SLC5A4: variants seen among roughly 807,000 people sequenced by gnomAD.
SLC5A4 encodes the protein solute carrier family 5 member 4.
SLC5A4 carries 55 observed loss-of-function variants against 70.3 expected under a neutral mutation model. The observed-to-expected ratio is 0.78, with a 90% CI of 0.63 to 0.98. The LOEUF is 0.98. SLC5A4 is among the 50% of genes least tolerant of loss of function. The pLI is 0.00. For missense variants in SLC5A4, 735 were observed against 839.2 expected (o/e 0.88, Z 1.53); for synonymous variants, 268 against 305.7 (o/e 0.88, Z 1.29).
At chr22:32,272,962 G>A in the SLC5A4 span, 1 of 539,042 alleles carries the variant, frequency 1.9e-6, no homozygotes, top group Non-Finnish European at 3.7e-6. Context: ...CCTCCAGAAT[G>A]CTGTGCTGCA....
chr22:32,294,382 T>C, the SLC5A4 span, among the ~76,000 whole-genome samples: 1 of 147,938 alleles, frequency 6.8e-6, no homozygotes, highest in Non-Finnish European at 1.5e-5. Context: ...GCACATGCAA[T>C]TGTGAGAAGT....
At chr22:32,311,271 T>G in the SLC5A4 span, among the ~76,000 whole-genome samples, 1 of 151,986 alleles carries the variant, frequency 6.6e-6, no homozygotes. Flanking sequence ...CTCACTGTTG[T>G]GTCTGGTGAA....
the SLC5A4 span, chr22:32,273,183 A>G: frequency 5.3e-6 from 2 of 380,850 alleles, no homozygotes; most frequent in Admixed American, 6.7e-5. Context: ...CACAAGGAAT[A>G]TATACTTTCT....
chr22:32,251,672 A>G, intron 3 of SLC5A4, 98 bp downstream of exon 3: 1 of 829,266 alleles, frequency 1.2e-6, no homozygotes, highest in Non-Finnish European at 2.1e-6. Flanking sequence ...TTCTTTATAA[A>G]TTATCCAGCC....
chr22:32,335,784 G>A, the SLC5A4 span, among the ~76,000 whole-genome samples: 2 of 141,382 alleles, frequency 1.4e-5, no homozygotes, highest in African/African-American at 2.7e-5. Context: ...CACGGCTGAA[G>A]GGGTCAGGTG....
At chr22:32,289,575 G>A in the SLC5A4 span, among the ~76,000 whole-genome samples, 6 of 152,194 alleles carry the variant, frequency 3.9e-5, no homozygotes, top group Non-Finnish European at 7.3e-5. Flanking sequence ...CGGTTCAAGC[G>A]ATTCTGCCTC....
At chr22:32,308,451 C>T in the SLC5A4 span, among the ~76,000 whole-genome samples, 50 of 148,122 alleles carry the variant, frequency 3.4e-4, no homozygotes, top group Admixed American at 2.5e-3. Context: ...ACCTGGACAG[C>T]GGCCTGTGGG....
the SLC5A4 span, among the ~76,000 whole-genome samples, chr22:32,331,927 G>A: frequency 1.3e-5 from 2 of 152,028 alleles, no homozygotes; most frequent in Admixed American, 1.3e-4. Context: ...CCATGCTGCT[G>A]AGCCCAAAGC....
chr22:32,311,938 G>A, the SLC5A4 span, among the ~76,000 whole-genome samples: 5 of 152,238 alleles, frequency 3.3e-5, no homozygotes, highest in African/African-American at 7.2e-5. Flanking sequence ...GAGGTCAAAC[G>A]AGGGGTTGGT....
chr22:32,259,457 C>T (rs1412069701), upstream of SLC5A4, among the ~76,000 whole-genome samples: 1 of 152,248 alleles, frequency 6.6e-6, no homozygotes, highest in African/African-American at 2.4e-5. Context: ...GCTTTTTCTG[C>T]ACCAGGTGTT....
At chr22:32,328,781 G>C in the SLC5A4 span, among the ~76,000 whole-genome samples, 2 of 152,246 alleles carry the variant, frequency 1.3e-5, no homozygotes, top group African/African-American at 4.8e-5. Context: ...CACAGCACCA[G>C]CTAGCTAATA....
the SLC5A4 span, chr22:32,270,497 C>T: frequency 2.7e-5 from 20 of 744,142 alleles, no homozygotes; most frequent in East Asian, 2.0e-4. Flanking sequence ...ACCCCCGAAG[C>T]GGACAATGAC....
upstream of SLC5A4, among the ~76,000 whole-genome samples, chr22:32,255,900 T>C (rs1927459058): frequency 6.6e-6 from 1 of 151,892 alleles, no homozygotes; most frequent in Admixed American, 6.6e-5. Flanking sequence ...ATGTGGTGAG[T>C]TGAGGGCAGA....
intron 13 of SLC5A4, among the ~76,000 whole-genome samples, chr22:32,223,133 C>T (rs1925182758): frequency 6.6e-6 from 1 of 152,204 alleles, no homozygotes. Context: ...AGAGCTCCCT[C>T]ATGTTTCTAA....
the SLC5A4 span, among the ~76,000 whole-genome samples, chr22:32,340,551 GGA>G: frequency 6.6e-6 from 1 of 152,216 alleles, no homozygotes; most frequent in Non-Finnish European, 1.5e-5. Context: ...GAGGACAAAG[GGA>G]GAGTGACGGG....
chr22:32,251,919 A>G, intron 2 of SLC5A4, 45 bp from the exon 3 acceptor site: 1 of 1,404,406 alleles, frequency 7.1e-7, no homozygotes, highest in Non-Finnish European at 1.0e-6. Context: ...AAAAGATCCA[A>G]ATCAGACTTC....
chr22:32,240,920 A>G (rs1170957398), intron 5 of SLC5A4, among the ~76,000 whole-genome samples: 2 of 152,264 alleles, frequency 1.3e-5, no homozygotes, highest in African/African-American at 2.4e-5. Context: ...AGAGAAGTAT[A>G]GATAAATTAT....
intron 3 of SLC5A4, among the ~76,000 whole-genome samples, 172 bp from the exon 4 acceptor site, chr22:32,248,974 A>G (rs1290485648): frequency 6.6e-6 from 1 of 152,060 alleles, no homozygotes; most frequent in East Asian, 1.9e-4. Context: ...TTCTGTTTCT[A>G]TGACTCAGGG....
At chr22:32,308,467 C>T in the SLC5A4 span, among the ~76,000 whole-genome samples, 1 of 151,814 alleles carries the variant, frequency 6.6e-6, no homozygotes, top group Non-Finnish European at 1.5e-5. Context: ...GTGGGGGAGT[C>T]AGTGTCAGGC....
Sources: gnomAD v4.1 joint callset for allele counts (sites outside exome capture counted in the v4.1 genomes callset) on GRCh38, gnomAD v4.1.1 for gene constraint, MANE v1.5 for transcripts, NCBI Gene and HGNC (gene_info 2026-07-23, HGNC 2026-07-21) for gene names.